AMBRA1: variants seen among roughly 807,000 people sequenced by gnomAD.
AMBRA1 encodes activating molecule in BECN1-regulated autophagy protein 1.
In AMBRA1, 47 loss-of-function variants were observed where a neutral mutation model predicts 125.4. The ratio of observed to expected loss-of-function variants is 0.37; its 90% CI spans 0.30 to 0.48. AMBRA1 has a LOEUF of 0.48. Ranked by LOEUF, AMBRA1 falls within the 20% of genes least tolerant of loss-of-function variation. The pLI, the probability that AMBRA1 is intolerant of heterozygous loss-of-function variation, is 0.99. For missense variants in AMBRA1, 1,331 were observed against 1,693.4 expected (o/e 0.79, Z 3.76); for synonymous variants, 626 against 655.5 (o/e 0.95, Z 0.69).
At chr11:46,547,616 TCA>T (rs371877353) in intron 3 of AMBRA1, among the ~76,000 whole-genome samples, 199 bp downstream of exon 3, 76 of 152,324 alleles carry the variant, frequency 5.0e-4, no homozygotes, top group African/African-American at 1.7e-3. Flanking sequence ...TTTGATCCTC[TCA>T]GTTTCCTTTG....
chr11:46,433,670 G>T (rs769190157), intron 13 of AMBRA1, 42 bp from the exon 14 acceptor site: 1 of 1,591,304 alleles, frequency 6.3e-7, no homozygotes, highest in South Asian at 1.1e-5. Context: ...TAGGCTTCTG[G>T]CCATTCCAAG....
At chr11:46,522,222 C>A (rs1951792943) in intron 7 of AMBRA1, among the ~76,000 whole-genome samples, 1 of 152,146 alleles carries the variant, frequency 6.6e-6, no homozygotes, top group Admixed American at 6.5e-5. Context: ...ATTTTTAATA[C>A]ATGGGTAGTT....
At chr11:46,568,803 C>CTTTTTTTTTTTTTTTTTTT (rs774631588) in intron 1 of AMBRA1, among the ~76,000 whole-genome samples, 52 of 96,478 alleles carry the variant, frequency 5.4e-4, no homozygotes, top group African/African-American at 2.4e-3. Flanking sequence ...TCAACCCTAC[C>CTTTTTTTTTTTTTTTTTTT]TTTTTTTTTT....
chr11:46,592,268 C>T (rs2044629771), intron 1 of AMBRA1, among the ~76,000 whole-genome samples: 1 of 151,710 alleles, frequency 6.6e-6, no homozygotes, highest in Non-Finnish European at 1.5e-5. Flanking sequence ...AATGAAGTGA[C>T]ACAAATTAGG....
intron 17 of AMBRA1, among the ~76,000 whole-genome samples, chr11:46,399,114 G>A (rs1032096073): frequency 6.6e-6 from 1 of 150,770 alleles, no homozygotes; most frequent in Non-Finnish European, 1.5e-5. Flanking sequence ...TGTTCTAGTC[G>A]CCCAGGCTGG....
chr11:46,429,299 C>T, intron 14 of AMBRA1: 2 of 713,620 alleles, frequency 2.8e-6, no homozygotes, highest in South Asian at 3.5e-5. Flanking sequence ...GAGAGGCCCC[C>T]TGCCCGCATC....
chr11:46,428,852 T>C, intron 14 of AMBRA1: 1 of 1,611,658 alleles, frequency 6.2e-7, no homozygotes. Flanking sequence ...CCTGCCAGTC[T>C]CTGGACGGCT....
At chr11:46,437,412 G>C (rs1489044837) in intron 12 of AMBRA1, among the ~76,000 whole-genome samples, 1 of 152,166 alleles carries the variant, frequency 6.6e-6, no homozygotes, top group African/African-American at 2.4e-5. Context: ...AACGAAAAGA[G>C]AATGCTGAAA....
intron 14 of AMBRA1, among the ~76,000 whole-genome samples, chr11:46,419,441 A>T (rs938112243): frequency 6.6e-6 from 1 of 152,208 alleles, no homozygotes; most frequent in Non-Finnish European, 1.5e-5. Context: ...ATACATTCAA[A>T]TAATTTGGGA....
At chr11:46,512,597 T>C in intron 8 of AMBRA1, 130 bp downstream of exon 8, 1 of 649,120 alleles carries the variant, frequency 1.5e-6, no homozygotes. Context: ...GAACCACCTG[T>C]CTCAAAACTG....
In AMBRA1 at chr11:46,426,352, A is replaced by C. The variant is rs1185381779; in HGVS notation, c.2976+7122T>G. 1.6e-3 allele frequency among the ~76,000 whole-genome samples: 251 copies of C among 152,306 alleles called. 4 individuals carry two copies. The highest frequency in any genetic ancestry group is 1.5e-4 in the Non-Finnish European group (10 of 68,026). On this transcript the variant is annotated intron_variant, in intron 14 of 17. Transcript: ENST00000683756. ...GAGATGGCAGTGAAAAGACCAGAAG[A>C]AGCCAGGCATTGCACATGGACGCAC...
At chr11:46,439,316 T>C (rs1337593631) in intron 12 of AMBRA1, among the ~76,000 whole-genome samples, 2 of 152,014 alleles carry the variant, frequency 1.3e-5, no homozygotes, top group Admixed American at 6.6e-5. Flanking sequence ...ACCTCAAAGA[T>C]TAAACTCACG....
At chr11:46,586,618 C>T (rs937297275) in intron 1 of AMBRA1, among the ~76,000 whole-genome samples, 47 of 152,078 alleles carry the variant, frequency 3.1e-4, no homozygotes, top group African/African-American at 1.1e-3. Flanking sequence ...TTTTGGAAAA[C>T]TTTATTTTGT....
intron 14 of AMBRA1, among the ~76,000 whole-genome samples, chr11:46,418,994 G>A (rs550362312): frequency 6.6e-6 from 1 of 152,194 alleles, no homozygotes; most frequent in South Asian, 2.1e-4. Flanking sequence ...GTGATAGGGG[G>A]GCGGGAGGGG....
chr11:46,530,975 C>T (rs1034619397), intron 7 of AMBRA1, among the ~76,000 whole-genome samples: 9 of 152,166 alleles, frequency 5.9e-5, no homozygotes, highest in African/African-American at 2.2e-4. Flanking sequence ...CTTCCACCTC[C>T]CAGATTCAAG....
intron 14 of AMBRA1, among the ~76,000 whole-genome samples, chr11:46,426,493 A>T (rs1016556269): frequency 6.6e-6 from 1 of 152,220 alleles, no homozygotes; most frequent in Non-Finnish European, 1.5e-5. Context: ...ACTGCACTCT[A>T]CTAAGAGGCC....
intron 1 of AMBRA1, among the ~76,000 whole-genome samples, chr11:46,579,251 A>G (rs962571601): frequency 5.3e-5 from 8 of 152,134 alleles, no homozygotes; most frequent in Admixed American, 3.3e-4. Context: ...TGAGGTCAGG[A>G]GTTCGAGACC....
intron 17 of AMBRA1, among the ~76,000 whole-genome samples, chr11:46,407,053 C>G (rs184097765): frequency 5.5e-4 from 84 of 152,216 alleles, no homozygotes; most frequent in African/African-American, 2.0e-3. Context: ...GTGGCACATG[C>G]CTGTAATCCC....
intron 1 of AMBRA1, among the ~76,000 whole-genome samples, chr11:46,569,753 AATGACCAGCCAACAT>A (rs1051696633): frequency 2.0e-5 from 3 of 151,648 alleles, no homozygotes; most frequent in African/African-American, 7.3e-5. Flanking sequence ...CATGTTGAGA[AATGACCAGCCAACAT>A]GGCTGGTCAT....
Sources: allele counts gnomAD v4.1 joint callset (sites outside exome capture counted in the v4.1 genomes callset), GRCh38; gene constraint gnomAD v4.1.1; transcripts MANE v1.5; gene names NCBI Gene and HGNC (gene_info 2026-07-23, HGNC 2026-07-21).